Variants in SPATA17 observed in about 807,000 individuals in gnomAD.
The protein encoded by SPATA17 is spermatogenesis-associated protein 17.
A neutral mutation model predicts 62.2 loss-of-function variants in SPATA17; 53 were observed. The observed-to-expected ratio is 0.85, with a 90% CI of 0.68 to 1.07. The LOEUF (loss-of-function observed/expected upper bound fraction) is 1.07, where lower values mean the gene tolerates loss of function less well. Ranked by LOEUF, SPATA17 falls within the 50% of genes least tolerant of loss-of-function variation. The pLI, the probability that SPATA17 is intolerant of heterozygous loss-of-function variation, is 0.00. For missense variants in SPATA17, 466 were observed against 425.5 expected, an observed-to-expected ratio of 1.10 and a Z score of -0.84; for synonymous variants, 146 against 146.8, an observed-to-expected ratio of 0.99 and a Z score of 0.04.
At chr1:217,829,809 G>T (rs1398185511) in intron 9 of SPATA17, among the ~76,000 whole-genome samples, 1 of 151,702 alleles carries the variant, frequency 6.6e-6, no homozygotes, top group African/African-American at 2.4e-5. Context: ...TAGGTCAAAA[G>T]ATACAAAATA....
chr1:217,859,681 T>C (rs147544489), intron 9 of SPATA17, among the ~76,000 whole-genome samples: 203 of 152,256 alleles, frequency 1.3e-3, no homozygotes, highest in African/African-American at 4.6e-3. Flanking sequence ...TGCTGGATTA[T>C]AGGCATGAGT....
chr1:217,772,640 C>T (rs1333756997), intron 6 of SPATA17, among the ~76,000 whole-genome samples: 3 of 152,112 alleles, frequency 2.0e-5, no homozygotes, highest in Non-Finnish European at 4.4e-5. Context: ...CTTTGGAAAG[C>T]AAGAGTGAAA....
chr1:217,853,712 A>G (rs1173745701), intron 9 of SPATA17, among the ~76,000 whole-genome samples: 2 of 152,186 alleles, frequency 1.3e-5, no homozygotes, highest in Admixed American at 6.5e-5. Flanking sequence ...TTGCCAACCA[A>G]TCAGTGCATA....
At chr1:217,812,020 G>C (rs1674603873) in intron 9 of SPATA17, among the ~76,000 whole-genome samples, 1 of 152,110 alleles carries the variant, frequency 6.6e-6, no homozygotes, top group African/African-American at 2.4e-5. Flanking sequence ...ATGATCTTAT[G>C]GTTCTTCTAT....
At position 217,801,863 on chromosome 1, in the gene SPATA17, A is replaced by G; in HGVS notation, c.1005+13A>G. 6.3e-7 allele frequency: 1 copy of G among 1,590,804 alleles called. No individual in the cohort carries two copies. Among genetic ancestry groups the G allele is most frequent in the Non-Finnish European group, 8.5e-7 (1 of 1,173,154 alleles). ...GATCTGTGACAAGGTGAGTTAACAA[A>G]ACATTTTAAAAAGTTATTCCTTTTT... On this transcript the variant is annotated intron_variant, in intron 9 of 10. Coordinates refer to ENST00000366933, the MANE Select transcript of SPATA17 (RefSeq NM_138796.4).
intron 5 of SPATA17, among the ~76,000 whole-genome samples, chr1:217,721,831 G>T (rs1382574953): frequency 6.6e-6 from 1 of 152,120 alleles, no homozygotes; most frequent in Non-Finnish European, 1.5e-5. Flanking sequence ...TTATACAAAT[G>T]ATATTCTCCC....
At chr1:217,829,627 C>CAAAAAAAAAAAAAAAAAAA (rs397982930) in intron 9 of SPATA17, among the ~76,000 whole-genome samples, 1 of 46,758 alleles carries the variant, frequency 2.1e-5, no homozygotes, top group Non-Finnish European at 3.4e-5. Context: ...GACTCCATCT[C>CAAAAAAAAAAAAAAAAAAA]AAAAAAAAAA....
chr1:217,649,569 G>C (rs1240412401), intron 2 of SPATA17, among the ~76,000 whole-genome samples: 1 of 152,118 alleles, frequency 6.6e-6, no homozygotes, highest in Admixed American at 6.5e-5. Flanking sequence ...GACTGGGTTT[G>C]TATTTATAGC....
At chr1:217,767,139 G>A (rs944872877) in intron 6 of SPATA17, among the ~76,000 whole-genome samples, 4 of 152,086 alleles carry the variant, frequency 2.6e-5, no homozygotes, top group African/African-American at 9.7e-5. Context: ...TTATAGGGTA[G>A]AGTGTAGGCT....
In SPATA17 at chr1:217,779,504, T is replaced by C. The variant is rs552376528; in HGVS notation, c.724-2670T>C. ...TGGCCATGTCATCCCCACTGCCCTA[T>C]TCTTCATTCTCTTGTTTCCTTCCTT... On this transcript the variant is annotated intron_variant, in intron 7 of 10. Coordinates refer to ENST00000366933, the MANE Select transcript of SPATA17 (RefSeq NM_138796.4). 2.6e-5 allele frequency among the ~76,000 whole-genome samples: 4 copies of C among 151,978 alleles called. No individual in the cohort carries two copies. In the East Asian group the frequency reaches 5.8e-4, roughly 22 times the overall value.
chr1:217,683,815 C>A (rs1028662996), intron 5 of SPATA17, among the ~76,000 whole-genome samples: 5 of 151,708 alleles, frequency 3.3e-5, no homozygotes, highest in African/African-American at 1.2e-4. Context: ...TTCTATTTAC[C>A]TTAATTTATT....
intron 5 of SPATA17, among the ~76,000 whole-genome samples, chr1:217,703,108 T>G (rs1671639818): frequency 6.6e-6 from 1 of 150,474 alleles, no homozygotes; most frequent in Non-Finnish European, 1.5e-5. Context: ...ACTCCTAAAC[T>G]CAGTGATACA....
At chr1:217,819,193 A>G (rs61825857) in intron 9 of SPATA17, among the ~76,000 whole-genome samples, 12 of 150,992 alleles carry the variant, frequency 7.9e-5, no homozygotes, top group Admixed American at 5.9e-4. Flanking sequence ...TTTTTTTCTC[A>G]CAGTGACTTT....
At chr1:217,738,960 A>G (rs1672571014) in intron 5 of SPATA17, among the ~76,000 whole-genome samples, 1 of 152,206 alleles carries the variant, frequency 6.6e-6, no homozygotes, top group Admixed American at 6.5e-5. Context: ...TCAAAAAGAC[A>G]AAATAAAACA....
In SPATA17 at chr1:217,786,748, T is replaced by TC. The variant is rs1422029154; in HGVS notation, c.872+4427dup. Among the ~76,000 whole-genome samples the TC allele has an allele frequency of 6.7e-3, 1,000 of 149,068 alleles. 16 individuals carry two copies. Among genetic ancestry groups the TC allele is most frequent in the Non-Finnish European group, 8.1e-3 (548 of 67,360 alleles). The stretch of plus-strand genomic sequence containing the variant: ...AAAATGATAGAAGGATTTGATATTC[T>TC]CTTTCTTCTTCTTCTTCTTCTTCTT... On this transcript the variant is annotated intron_variant, in intron 8 of 10. Transcript: ENST00000366933.
intron 6 of SPATA17, among the ~76,000 whole-genome samples, chr1:217,763,226 A>G (rs2102964559): frequency 6.6e-6 from 1 of 152,310 alleles, no homozygotes; most frequent in Non-Finnish European, 1.5e-5. Context: ...ATATGCATAC[A>G]ATTAGTTATA....
chr1:217,665,979 A>G (rs1486733437), intron 3 of SPATA17, among the ~76,000 whole-genome samples: 1 of 152,180 alleles, frequency 6.6e-6, no homozygotes, highest in Non-Finnish European at 1.5e-5. Flanking sequence ...TAAATGCAAG[A>G]CATCAATTCT....
At chr1:217,761,184 C>A (rs984919165) in intron 6 of SPATA17, among the ~76,000 whole-genome samples, 4 of 152,174 alleles carry the variant, frequency 2.6e-5, no homozygotes, top group Non-Finnish European at 5.9e-5. Flanking sequence ...GTTCTCGAAA[C>A]CTCCTTTGGC....
intron 9 of SPATA17, among the ~76,000 whole-genome samples, chr1:217,810,365 G>A (rs938151307): frequency 6.6e-6 from 1 of 151,936 alleles, no homozygotes; most frequent in Non-Finnish European, 1.5e-5. Flanking sequence ...CTGTTTTCAC[G>A]CTGCTATAAA....
Sources: gnomAD v4.1 joint callset for allele counts (sites outside exome capture counted in the v4.1 genomes callset) on GRCh38, gnomAD v4.1.1 for gene constraint, MANE v1.5 for transcripts, NCBI Gene and HGNC (gene_info 2026-07-23, HGNC 2026-07-21) for gene names.